PLD2: variants seen among roughly 807,000 people sequenced by gnomAD.
PLD2 encodes the protein choline phosphatase 2.
PLD2 carries 101 observed loss-of-function variants against 119.8 expected under a neutral mutation model. The observed-to-expected ratio is 0.84, with a 90% CI of 0.72 to 0.99. The LOEUF (loss-of-function observed/expected upper bound fraction) is 0.99, where lower values mean the gene tolerates loss of function less well. Among genes scored for constraint, PLD2 ranks in the 50% least tolerant of loss-of-function variants. The pLI is 0.00. For missense variants in PLD2, 1,164 were observed against 1,226.8 expected, an observed-to-expected ratio of 0.95 and a Z score of 0.76; for synonymous variants, 494 against 482.8, an observed-to-expected ratio of 1.02 and a Z score of -0.30.
intron 13 of PLD2, 81 bp downstream of exon 13, chr17:4,815,667 G>C (rs1465890557): frequency 1.9e-6 from 3 of 1,593,014 alleles, no homozygotes; most frequent in South Asian, 1.1e-5. Context: ...CCCGCTCCCT[G>C]ATGGTCTCAT....
intron 9 of PLD2, among the ~76,000 whole-genome samples, chr17:4,810,267 CCATTTGTT>C (rs1379034939): frequency 3.3e-5 from 5 of 152,164 alleles, no homozygotes; most frequent in Non-Finnish European, 5.9e-5. Flanking sequence ...AAACGAAATT[CCATTTGTT>C]CATTTGTTCA....
In PLD2 at chr17:4,810,833, C is replaced by T; in HGVS notation, c.892C>T (p.Gln298Ter). The change falls in exon 10 of 25, where the codon CAG (glutamine) becomes TAG (stop). Residue 298 changes from glutamine (Q) to a stop codon, truncating the protein, a stop_gained. Coordinates refer to ENST00000263088, the MANE Select transcript of PLD2 (RefSeq NM_002663.5). LOFTEE classifies it high-confidence loss of function. The stretch of plus-strand genomic sequence containing the variant: ...GATTCTCAAGTGCAGCAGCTACCGG[C>T]AGGCACGGTGGTGGGCCCAAGAGAT... ...SLILKCSSYRQARWWAQEITE... is the reference protein window; with the variant it reads ...SLILKCSSYR The T allele has an allele frequency of 6.2e-7, 1 of 1,613,138 alleles. No individual in the cohort carries two copies. The highest frequency in any genetic ancestry group is 8.5e-7 in the Non-Finnish European group (1 of 1,179,548).
rs761285093 is a variant in PLD2, at chr17:4,810,015, C to T, written c.846C>T (p.Ile282=). ...CGGAGGCACGGCACGGCGTGCGGAT[C>T]GATACCTCCCACAGGTGAGGCCTCC... ...RSTEARHGVR[I]DTSHRSLILK... The change falls in exon 9 of 25, where the codon ATC becomes ATT. Residue 282 remains isoleucine, a synonymous_variant. Transcript: ENST00000263088. 18 of 1,612,886 alleles carry T rather than the reference C, an allele frequency of 1.1e-5. No individual in the cohort carries two copies. The highest frequency in any genetic ancestry group is 1.5e-5 in the Non-Finnish European group (18 of 1,180,022).
At chr17:4,822,526 G>A in intron 24 of PLD2, 114 bp from the exon 25 acceptor site, 1 of 658,502 alleles carries the variant, frequency 1.5e-6, no homozygotes, top group Non-Finnish European at 2.6e-6. Context: ...TAGTGGCCCA[G>A]GGTCAACGGG....
In PLD2 at chr17:4,818,648, C is replaced by T. The variant is rs1907297243; in HGVS notation, c.2123+41C>T. On this transcript the variant is annotated intron_variant, in intron 20 of 24. Transcript: ENST00000263088. ...GACTCCAGCTCTCAGTGGCCCCATCCCACCCGTGTCCCCCTCCTGATTCTG... is the reference window on the plus strand; with the variant it reads ...GACTCCAGCTCTCAGTGGCCCCATCTCACCCGTGTCCCCCTCCTGATTCTG... 9 of 1,553,118 alleles carry T rather than the reference C, an allele frequency of 5.8e-6. No homozygotes were observed. In the East Asian group the frequency reaches 2.0e-4, roughly 35 times the overall value.
In PLD2 at chr17:4,809,713, T is replaced by C. The variant is rs749614832; in HGVS notation, c.637T>C (p.Ser213Pro). Residue 213 changes from serine to proline, a missense_variant, in exon 8 of 25, where the codon TCA (serine) becomes CCA (proline). Transcript: ENST00000263088. The stretch of plus-strand genomic sequence containing the variant: ...CAGGGAGGGGATGATCCGGAAGCGC[T>C]CAGGTGGCCACCGTGTTCCTGGCCT... ...KGLEGMIRKR[S>P]GGHRVPGLTC... 5 of 1,614,126 alleles carry C rather than the reference T, an allele frequency of 3.1e-6. No homozygotes were observed. Among genetic ancestry groups the C allele is most frequent in the Middle Eastern group, 3.3e-4 (2 of 6,062 alleles).
At chr17:4,813,793 A>G (rs1428109431) in intron 10 of PLD2, among the ~76,000 whole-genome samples, 1 of 152,172 alleles carries the variant, frequency 6.6e-6, no homozygotes, top group Non-Finnish European at 1.5e-5. Flanking sequence ...CAAGAGGCGG[A>G]GGTTGCAGTG....
At position 4,809,949 on chromosome 17, in the gene PLD2, C is replaced by G. The variant is rs1366709122; in HGVS notation, c.780C>G (p.Leu260=). ...LETGAISFVQ[L]FDPGFEVQVG... ...CAGGTGCCATCTCATTTGTTCAGCT[C>G]TTTGACCCTGGCTTTGAGGTGCAAG... Residue 260 remains leucine (L), a synonymous_variant, in exon 9 of 25, where the codon CTC becomes CTG. Transcript: ENST00000263088. 1 of 1,614,042 alleles carries G rather than the reference C, an allele frequency of 6.2e-7. No individual in the cohort carries two copies. Among genetic ancestry groups the G allele is most frequent in the African/African-American group, 1.3e-5 (1 of 74,918 alleles).
rs575190981 is a variant in PLD2 at position 4,816,658 on chromosome 17, C to T, written c.1494C>T (p.Asp498=). 148 of 1,614,134 alleles carry T rather than the reference C, an allele frequency of 9.2e-5. 1 individual carries two copies. In the South Asian group the frequency reaches 1.4e-3, roughly 15 times the overall value. ...GCCCAGACTCACCAGCCACCCCAGA[C>T]CTCTCTCACAACCAATTCTTCTGGC... ...TPRPDSPATP[D]LSHNQFFWLG... The change falls in exon 15 of 25, where the codon GAC becomes GAT. Residue 498 remains aspartate, a synonymous_variant. Coordinates refer to ENST00000263088, the MANE Select transcript of PLD2 (RefSeq NM_002663.5).
intron 24 of PLD2, 53 bp downstream of exon 24, chr17:4,821,960 T>C (rs1465009351): frequency 1.7e-6 from 2 of 1,162,392 alleles, no homozygotes; most frequent in Non-Finnish European, 2.6e-6. Flanking sequence ...TTGTGGATTA[T>C]CCTGCTCAGG....
chr17:4,808,200 A>C lies in PLD2; in HGVS notation c.241-74A>C. ...GCTGGGCTGGCCCCAGGGAAGGGGC[A>C]AAAGGAGGGCTGGCCAGAGTGGGGA... On this transcript the variant is annotated intron_variant, in intron 3 of 24. Transcript: ENST00000263088. This position sits in a 1 kb window ranked among gnomAD's most constrained non-coding sequence, Gnocchi z 4.1. 1.3e-6 allele frequency: 2 copies of C among 1,592,838 alleles called. No individual in the cohort carries two copies. Among genetic ancestry groups the C allele is most frequent in the Non-Finnish European group, 8.6e-7 (1 of 1,166,184 alleles).
chr17:4,817,964 G>GA, intron 17 of PLD2, 38 bp from the exon 18 acceptor site: 1 of 1,442,996 alleles, frequency 6.9e-7, no homozygotes, highest in Non-Finnish European at 9.7e-7. Flanking sequence ...TCTTAAAAAA[G>GA]AAAAGAAATG....
intron 16 of PLD2, 34 bp from the exon 17 acceptor site, chr17:4,817,112 A>C (rs1438602650): frequency 6.3e-7 from 1 of 1,599,412 alleles, no homozygotes; most frequent in Admixed American, 1.7e-5. Context: ...GCAGATTGGC[A>C]CCTCCTGCTG....
chr17:4,808,581 C>T lies in PLD2; in HGVS notation c.383+165C>T, dbSNP rs570762336. On this transcript the variant is annotated intron_variant, in intron 4 of 24. Transcript: ENST00000263088. This position sits in a 1 kb window ranked among gnomAD's most constrained non-coding sequence, Gnocchi z 4.1. ...ACTTTCCCTGCTCAGCTTTCCCTGT[C>T]CATGGTTCTGTGCCAGCATCTCAGC... 54 of 674,882 alleles carry T rather than the reference C, an allele frequency of 8.0e-5. No homozygotes were observed. In the African/African-American group the frequency reaches 9.2e-4, roughly 11 times the overall value. The allele number at this position is 674,882 out of a possible 1,614,324, so 41.8% of individuals were successfully genotyped here. A position where few individuals can be genotyped will look rare whatever the true frequency, so the allele number is the denominator to read the frequency against.
intron 12 of PLD2, 25 bp downstream of exon 12, chr17:4,814,736 G>A: frequency 1.2e-6 from 2 of 1,606,958 alleles, no homozygotes; most frequent in South Asian, 1.1e-5. Context: ...CAGGCCGCAG[G>A]GGGAGGGGGT....
Position 4,817,634 on chromosome 17 carries a change from C to T in PLD2, c.1816-368C>T, listed in dbSNP as rs566712882. Reference sequence around the variant, plus strand: ...CTGAGATCACGCCACTGCACTCCAGCCTGGGCAACAGAGTGAGACTCCATC... The same window carrying T: ...CTGAGATCACGCCACTGCACTCCAGTCTGGGCAACAGAGTGAGACTCCATC... On this transcript the variant is annotated intron_variant, in intron 17 of 24. Coordinates refer to ENST00000263088, the MANE Select transcript of PLD2 (RefSeq NM_002663.5). Among the ~76,000 whole-genome samples, 486 of 149,562 alleles carry T rather than the reference C, an allele frequency of 3.2e-3. 2 individuals are homozygous for T. Among genetic ancestry groups the T allele is most frequent in the Non-Finnish European group, 5.5e-3 (369 of 67,618 alleles).
At position 4,809,728 on chromosome 17, in the gene PLD2, G is replaced by T; in HGVS notation, c.652G>T (p.Val218Phe). The T allele has an allele frequency of 6.2e-7, 1 of 1,614,228 alleles. No homozygotes were observed. Among genetic ancestry groups the T allele is most frequent in the Non-Finnish European group, 8.5e-7 (1 of 1,180,050 alleles). Reference protein sequence around the residue: ...MIRKRSGGHRVPGLTCCGRDQ... With the variant: ...MIRKRSGGHRFPGLTCCGRDQ... ...CCGGAAGCGCTCAGGTGGCCACCGT[G>T]TTCCTGGCCTCACCTGCTGTGGCCG... Residue 218 changes from valine (V) to phenylalanine (F), a missense_variant, in exon 8 of 25, where the codon GTT (valine) becomes TTT (phenylalanine). By Grantham distance (50) the Val-to-Phe change is conservative. Coordinates refer to ENST00000263088, the MANE Select transcript of PLD2 (RefSeq NM_002663.5).
chr17:4,819,503 G>C lies in PLD2; in HGVS notation c.2383G>C (p.Glu795Gln). The C allele has an allele frequency of 6.2e-7, 1 of 1,614,146 alleles. No homozygotes were observed. Among genetic ancestry groups the C allele is most frequent in the Non-Finnish European group, 8.5e-7 (1 of 1,180,024 alleles). Residue 795 changes from glutamate to glutamine, a missense_variant, in exon 23 of 25, where the codon GAG (glutamate) becomes CAG (glutamine). Transcript: ENST00000263088. The surrounding 1 kb of genome is among the most constrained non-coding windows in gnomAD (Gnocchi z 4.2). ...SELAVLIEDT[E>Q]TEPSLMNGAE... is the part of the protein sequence containing the mutation. ...GCTGGCCGTGCTGATCGAGGACACA[G>C]AGACGGAACCATCCCTCATGAATGG...
At position 4,822,848 on chromosome 17, in the gene PLD2, T is replaced by G. The variant is rs61759530; in HGVS notation, c.2786T>G (p.Leu929Arg). 0.013 allele frequency: 20,921 copies of G among 1,603,482 alleles called. 186 individuals carry two copies. Among genetic ancestry groups the G allele is most frequent in the Middle Eastern group, 0.021 (128 of 6,040 alleles). Residue 929 changes from leucine to arginine, a missense_variant, in exon 25 of 25, where the codon CTA becomes CGA. Physicochemically the swap from Leu to Arg is moderately radical, Grantham distance 102. Transcript: ENST00000263088. Reference sequence around the variant, plus strand: ...GGTAGCAAGGAGGGCATGATCCCCCTAGAAGTGTGGACATAGTTGAGGCCC... The same window carrying G: ...GGTAGCAAGGAGGGCATGATCCCCCGAGAAGTGTGGACATAGTTGAGGCCC... ...PLGSKEGMIP[L>R]EVWT
Sources: allele counts gnomAD v4.1 joint callset (sites outside exome capture counted in the v4.1 genomes callset), GRCh38; gene constraint gnomAD v4.1.1; non-coding constraint Gnocchi (gnomAD v3.1); transcripts MANE v1.5; gene names NCBI Gene and HGNC (gene_info 2026-07-23, HGNC 2026-07-21).